Variants in CLEC10A observed in about 807,000 individuals in gnomAD.
The protein encoded by CLEC10A is C-type lectin domain containing 10A, also known as C-type lectin domain family 10 member A.
CLEC10A carries 38 observed loss-of-function variants against 42.0 expected under a neutral mutation model. The ratio of observed to expected loss-of-function variants is 0.90; its 90% CI spans 0.70 to 1.18. CLEC10A has a LOEUF of 1.18. Ranked by LOEUF, CLEC10A falls within the 50% of genes most tolerant of loss-of-function variation. CLEC10A has a pLI of 0.00. For missense variants in CLEC10A, 298 were observed against 345.9 expected (o/e 0.86, Z 1.10); for synonymous variants, 126 against 139.9 (o/e 0.90, Z 0.70).
intron 2 of CLEC10A, chr17:7,078,402 G>A: frequency 2.0e-6 from 1 of 504,370 alleles, no homozygotes; most frequent in Non-Finnish European, 3.6e-6. Context: ...GGGAGAGCTG[G>A]GGGCAGCCAG....
chr17:7,074,777 A>G lies in CLEC10A; in HGVS notation c.*277T>C, dbSNP rs985698808. On this transcript the variant is annotated 3_prime_UTR_variant, in exon 9 of 9. Transcript: ENST00000416562. ...GAGTGGTAGTCACCTAGGCATGCAT[A>G]TTTGTCAAAGTCATCTCTACTCTTT... 50 of 276,944 alleles carry G rather than the reference A, an allele frequency of 1.8e-4. No homozygotes were observed. Among genetic ancestry groups the G allele is most frequent in the Admixed American group, 2.1e-4 (4 of 18,838 alleles). The allele number at this position is 276,944 out of a possible 1,614,324, so 17.2% of individuals were successfully genotyped here. A position where few individuals can be genotyped will look rare whatever the true frequency, so the allele number is the denominator to read the frequency against.
chr17:7,077,844 ATTG>A (rs1403802062), intron 3 of CLEC10A, among the ~76,000 whole-genome samples, 150 bp downstream of exon 3: 2 of 136,040 alleles, frequency 1.5e-5, no homozygotes, highest in Non-Finnish European at 3.2e-5. Flanking sequence ...ACCATGCCCC[ATTG>A]TTATCTCCAC....
intron 3 of CLEC10A, among the ~76,000 whole-genome samples, chr17:7,077,257 C>T (rs1377428626): frequency 8.1e-5 from 9 of 111,500 alleles, no homozygotes; most frequent in East Asian, 2.7e-4. Flanking sequence ...CCACCACCGT[C>T]CCCATCAATC....
At chr17:7,079,275 G>A (rs1487391919) in intron 1 of CLEC10A, among the ~76,000 whole-genome samples, 1 of 152,070 alleles carries the variant, frequency 6.6e-6, no homozygotes, top group African/African-American at 2.4e-5. Flanking sequence ...TGGGGTTGGG[G>A]TTGAAGTAGG....
At chr17:7,078,653 C>T in intron 2 of CLEC10A, 93 bp downstream of exon 2, 1 of 1,252,222 alleles carries the variant, frequency 8.0e-7, no homozygotes, top group Non-Finnish European at 1.2e-6. Context: ...TTAGGACCCA[C>T]CAGTGCGCGT....
At chr17:7,076,158 C>T (rs1443893153) in intron 5 of CLEC10A, 87 bp from the exon 6 acceptor site, 1 of 1,613,406 alleles carries the variant, frequency 6.2e-7, no homozygotes, top group African/African-American at 1.3e-5. Context: ...TACCCCTGCA[C>T]AGGGCCAAGC....
intron 1 of CLEC10A, among the ~76,000 whole-genome samples, chr17:7,079,282 T>C (rs1223142404): frequency 6.6e-6 from 1 of 152,010 alleles, no homozygotes; most frequent in Non-Finnish European, 1.5e-5. Flanking sequence ...GGGGTTGAAG[T>C]AGGAGCTGGG....
chr17:7,076,110 AG>A (rs778402749), intron 5 of CLEC10A, 39 bp from the exon 6 acceptor site: 3 of 1,614,132 alleles, frequency 1.9e-6, no homozygotes, highest in Non-Finnish European at 1.7e-6. Flanking sequence ...ACAGTGGCCT[AG>A]GTGTGCCTTC....
intron 8 of CLEC10A, 34 bp downstream of exon 8, chr17:7,075,326 A>G (rs778981235): frequency 6.8e-5 from 103 of 1,507,148 alleles, no homozygotes; most frequent in Non-Finnish European, 8.9e-7. Flanking sequence ...ACGCTGACGG[A>G]GGACATTGGC....
intron 3 of CLEC10A, among the ~76,000 whole-genome samples, chr17:7,077,482 C>G (rs1483535671): frequency 8.6e-6 from 1 of 115,846 alleles, no homozygotes; most frequent in African/African-American, 3.1e-5. Flanking sequence ...AACAATCACT[C>G]CATCAGTGAC....
chr17:7,075,298 G>C, intron 8 of CLEC10A, 62 bp downstream of exon 8: 1 of 1,506,752 alleles, frequency 6.6e-7, no homozygotes, highest in Non-Finnish European at 8.9e-7. Context: ...GAGGCTGCCA[G>C]TCAGATCCCT....
Position 7,075,039 on chromosome 17 carries a change from C to T in CLEC10A, c.*15G>A, listed in dbSNP as rs752233615. ...ACCGCCATTTCTGTGGCCGGGTGGT[C>T]CCACCAAAGGCAGCTCAGTGACTCT... is the stretch of plus-strand genomic sequence containing the variant. On this transcript the variant is annotated 3_prime_UTR_variant, in exon 9 of 9. Coordinates refer to ENST00000416562, the MANE Select transcript of CLEC10A (RefSeq NM_001330070.2). 71 of 1,530,278 alleles carry T rather than the reference C, an allele frequency of 4.6e-5. No homozygotes were observed. The highest frequency in any genetic ancestry group is 6.1e-5 in the Non-Finnish European group (70 of 1,143,828). 94.8% of individuals were successfully genotyped at this position (1,530,278 alleles called of 1,614,324 possible).
chr17:7,076,688 T>C (rs745446557), intron 5 of CLEC10A, 45 bp downstream of exon 5: 1 of 1,601,246 alleles, frequency 6.2e-7, no homozygotes, highest in Non-Finnish European at 8.6e-7. Flanking sequence ...CTCCACTGTG[T>C]CTGAGCGCCT....
intron 5 of CLEC10A, chr17:7,076,278 G>GAAA (rs1305063440): frequency 1.6e-6 from 1 of 644,684 alleles, no homozygotes; most frequent in East Asian, 3.3e-5. Flanking sequence ...GCTCTCCAGA[G>GAAA]AAAGCATGCT....
At chr17:7,077,942 A>G (rs1352852994) in intron 3 of CLEC10A, 55 bp downstream of exon 3, 2 of 1,366,558 alleles carry the variant, frequency 1.5e-6, no homozygotes, top group East Asian at 4.6e-5. Flanking sequence ...GCACCCCATT[A>G]TTTATCTTCT....
At chr17:7,078,503 C>G (rs970752263) in intron 2 of CLEC10A, 1 of 558,486 alleles carries the variant, frequency 1.8e-6, no homozygotes, top group Non-Finnish European at 3.2e-6. Flanking sequence ...TTTCCCTCCA[C>G]CAATGCGCAG....
In CLEC10A at chr17:7,074,880, T is replaced by G. The variant is rs971324095; in HGVS notation, c.*174A>C. On this transcript the variant is annotated 3_prime_UTR_variant, in exon 9 of 9. Transcript: ENST00000416562. Reference sequence around the variant, plus strand: ...CAAAAGTTGGAAAAAAAATAAAAGCTTAAGAACACTATACCATCTTTTTAA... The same window carrying G: ...CAAAAGTTGGAAAAAAAATAAAAGCGTAAGAACACTATACCATCTTTTTAA... 2.2e-6 allele frequency: 1 copy of G among 448,592 alleles called. No homozygotes were observed. The highest frequency in any genetic ancestry group is 3.8e-6 in the Non-Finnish European group (1 of 266,032). 27.8% of individuals were successfully genotyped at this position (448,592 alleles called of 1,614,324 possible).
In CLEC10A at chr17:7,075,972, A is replaced by G; in HGVS notation, c.439+13T>C. On this transcript the variant is annotated intron_variant, in intron 6 of 8. Coordinates refer to ENST00000416562, the MANE Select transcript of CLEC10A (RefSeq NM_001330070.2). ...AGAAAAGTAGGGCCAGGTACTCCCC[A>G]TACCTTCCTCACCATTGTTGTTGAG... 6.2e-7 allele frequency: 1 copy of G among 1,614,092 alleles called. No individual in the cohort carries two copies. The highest frequency in any genetic ancestry group is 8.5e-7 in the Non-Finnish European group (1 of 1,179,972).
rs1456816831 is a variant in CLEC10A, at chr17:7,074,929, A to G, written c.*125T>C. 1.5e-6 allele frequency: 1 copy of G among 680,272 alleles called. No homozygotes were observed. Among genetic ancestry groups the G allele is most frequent in the Non-Finnish European group, 2.2e-6 (1 of 448,530 alleles). The allele number at this position is 680,272 out of a possible 1,614,324, so 42.1% of individuals were successfully genotyped here. A position where few individuals can be genotyped will look rare whatever the true frequency, so the allele number is the denominator to read the frequency against. On this transcript the variant is annotated 3_prime_UTR_variant, in exon 9 of 9. Transcript: ENST00000416562. ...AAAATTAAAGAGAAAAAAATTCAAA[A>G]TGTTAGCAGTGCTTCCAATCTCCCA...
Sources: allele counts gnomAD v4.1 joint callset (sites outside exome capture counted in the v4.1 genomes callset), GRCh38; gene constraint gnomAD v4.1.1; transcripts MANE v1.5; gene names NCBI Gene and HGNC (gene_info 2026-07-23, HGNC 2026-07-21).